ABCB11: variants seen among roughly 807,000 people sequenced by gnomAD.
The protein encoded by ABCB11 is ATP binding cassette subfamily B member 11, also known as bile salt export pump.
In ABCB11, 95 loss-of-function variants were observed where a neutral mutation model predicts 148.0. That is an observed-to-expected ratio of 0.64 (90% CI 0.54 to 0.76). The LOEUF is 0.76. ABCB11 is among the 30% of genes least tolerant of loss of function. ABCB11 has a pLI of 0.00. For missense variants in ABCB11, 1,523 were observed against 1,617.8 expected (o/e 0.94, Z 1.01); for synonymous variants, 591 against 555.4 (o/e 1.06, Z -0.90).
chr2:168,960,461 A>G (rs1437394743), intron 18 of ABCB11, among the ~76,000 whole-genome samples: 2 of 151,722 alleles, frequency 1.3e-5, no homozygotes, highest in African/African-American at 2.4e-5. Context: ...ACAGCCTGAC[A>G]TGATAGAAAT....
chr2:168,976,580 C>T lies in ABCB11; in HGVS notation c.1305G>A (p.Val435=). Residue 435 remains valine (V), a synonymous_variant, in exon 12 of 28, where the codon GTG becomes GTA. Transcript: ENST00000650372. ...VTFHYPSRPE[V]KILNDLNMVI... ...TGGGGAACAGACCAGCACTCACCTT[C>T]ACCTCTGGTCTGGAAGGATAATGGA... 1 of 1,566,874 alleles carries T rather than the reference C, an allele frequency of 6.4e-7. No individual in the cohort carries two copies. The highest frequency in any genetic ancestry group is 8.8e-7 in the Non-Finnish European group (1 of 1,141,644).
chr2:168,962,986 C>T (rs1693141353), intron 18 of ABCB11, among the ~76,000 whole-genome samples: 1 of 151,650 alleles, frequency 6.6e-6, no homozygotes, highest in African/African-American at 2.4e-5. Flanking sequence ...AAAAGAGAAC[C>T]CAATCACTCC....
At chr2:169,012,915 G>A (rs1381405412) in intron 5 of ABCB11, among the ~76,000 whole-genome samples, 1 of 152,002 alleles carries the variant, frequency 6.6e-6, no homozygotes, top group Non-Finnish European at 1.5e-5. Flanking sequence ...GAGTTGGTGG[G>A]GGGGAAAAAT....
Position 168,923,202 on chromosome 2 carries a change from T to C in ABCB11, c.*420A>G, listed in dbSNP as rs496550. On this transcript the variant is annotated 3_prime_UTR_variant, in exon 28 of 28. Transcript: ENST00000650372. Reference sequence around the variant, plus strand: ...AGAAACGTTTGTTGATTGCCTGTTATAGACCCGCCTCTGTGTACACCGAGG... The same window carrying C: ...AGAAACGTTTGTTGATTGCCTGTTACAGACCCGCCTCTGTGTACACCGAGG... 85,385 of 175,774 alleles carry C rather than the reference T, an allele frequency of 0.49. 22,115 individuals are homozygous for C. The highest frequency in any genetic ancestry group is 0.64 in the South Asian group (4,096 of 6,354). 10.9% of individuals were successfully genotyped at this position (175,774 alleles called of 1,614,324 possible).
At position 169,018,042 on chromosome 2, in the gene ABCB11, C is replaced by T; in HGVS notation, c.76+8G>A. 1 of 1,608,658 alleles carries T rather than the reference C, an allele frequency of 6.2e-7. No homozygotes were observed. Among genetic ancestry groups the T allele is most frequent in the Non-Finnish European group, 8.5e-7 (1 of 1,175,186 alleles). Reference sequence around the variant, plus strand: ...TACAAGATGCAGTGAGGGAAAAAAGCCACTCACATGATTTATCTGACTCAA... The same window carrying T: ...TACAAGATGCAGTGAGGGAAAAAAGTCACTCACATGATTTATCTGACTCAA... On this transcript the variant is annotated splice_region_variant and intron_variant, in intron 2 of 27. Coordinates refer to ENST00000650372, the MANE Select transcript of ABCB11 (RefSeq NM_003742.4).
chr2:168,944,955 A>G lies in ABCB11; in HGVS notation c.2350T>C (p.Ser784Pro). 1 of 1,547,022 alleles carries G rather than the reference A, an allele frequency of 6.5e-7. No individual in the cohort carries two copies. The highest frequency in any genetic ancestry group is 1.4e-5 in the African/African-American group (1 of 72,870). The change falls in exon 20 of 28, where the codon TCA (serine) becomes CCA (proline). Residue 784 changes from serine (S) to proline (P), a missense_variant. By Grantham distance (74) the Ser-to-Pro change is moderately conservative (BLOSUM62 -1). Transcript: ENST00000650372. Reference protein sequence around the residue: ...FLFSQILGTFSIPDKEEQRSQ... With the variant: ...FLFSQILGTFPIPDKEEQRSQ... The stretch of plus-strand genomic sequence containing the variant: ...CTTTGTTCCTCTTTATCAGGAATTG[A>G]AAAAGTCTTGGAAAGATAGTAAACA...
chr2:169,014,272 C>A (rs1374297851), intron 4 of ABCB11, 31 bp downstream of exon 4: 8 of 1,597,954 alleles, frequency 5.0e-6, no homozygotes, highest in Non-Finnish European at 6.0e-6. Flanking sequence ...AGCTGCACAC[C>A]CACTGCCATA....
At chr2:168,998,542 A>G (rs2106019764) in intron 5 of ABCB11, among the ~76,000 whole-genome samples, 2 of 152,264 alleles carry the variant, frequency 1.3e-5, no homozygotes, top group South Asian at 4.1e-4. Context: ...CATGCATCAA[A>G]ACATCACACT....
chr2:168,933,769 G>C (rs1337862984), intron 23 of ABCB11, among the ~76,000 whole-genome samples: 1 of 137,278 alleles, frequency 7.3e-6, no homozygotes, highest in Non-Finnish European at 1.6e-5. Flanking sequence ...TTTTGAGATG[G>C]AGTCTCACTC....
intron 1 of ABCB11, among the ~76,000 whole-genome samples, chr2:169,028,227 A>C (rs1374139398): frequency 1.3e-5 from 2 of 152,008 alleles, no homozygotes; most frequent in Non-Finnish European, 2.9e-5. Flanking sequence ...AATTGTGTGG[A>C]GCACCAGCCC....
intron 25 of ABCB11, 123 bp from the exon 26 acceptor site, chr2:168,927,485 G>A (rs906794636): frequency 1.3e-6 from 1 of 758,782 alleles, no homozygotes; most frequent in Non-Finnish European, 2.1e-6. Flanking sequence ...ACAATCCCAA[G>A]GCTAAAATTA....
intron 19 of ABCB11, among the ~76,000 whole-genome samples, chr2:168,946,396 T>C (rs1221179691): frequency 6.6e-6 from 1 of 151,750 alleles, no homozygotes; most frequent in Non-Finnish European, 1.5e-5. Flanking sequence ...CCCGTTCAAA[T>C]TATGGCAAAT....
chr2:168,936,248 G>C lies in ABCB11; in HGVS notation c.2796C>G (p.Ala932=). Residue 932 remains alanine, a synonymous_variant, in exon 22 of 28, where the codon GCC becomes GCG. Coordinates refer to ENST00000650372, the MANE Select transcript of ABCB11 (RefSeq NM_003742.4). ...LTGFASRDKQ[A]LEMVGQITNE... ...AGATTACCTGTCCCACCATCTCCAG[G>C]GCCTGCTTATCTCGAGAGGCAAATC... 1 of 1,613,622 alleles carries C rather than the reference G, an allele frequency of 6.2e-7. No homozygotes were observed. The highest frequency in any genetic ancestry group is 8.5e-7 in the Non-Finnish European group (1 of 1,179,728).
At chr2:169,020,152 T>C (rs1351414027) in intron 1 of ABCB11, among the ~76,000 whole-genome samples, 2 of 152,188 alleles carry the variant, frequency 1.3e-5, no homozygotes, top group Non-Finnish European at 2.9e-5. Flanking sequence ...AGGTGTTCGA[T>C]ATGCAGATAA....
chr2:169,021,661 A>G (rs1170892532), intron 1 of ABCB11, among the ~76,000 whole-genome samples: 1 of 152,114 alleles, frequency 6.6e-6, no homozygotes, highest in Non-Finnish European at 1.5e-5. Flanking sequence ...AATTTGGTTG[A>G]ACATTGTTCA....
chr2:168,916,922 T>A (rs190627522), downstream of ABCB11, among the ~76,000 whole-genome samples: 1 of 152,210 alleles, frequency 6.6e-6, no homozygotes. Context: ...TAAACCAACA[T>A]GATGAAACTG....
intron 1 of ABCB11, among the ~76,000 whole-genome samples, chr2:169,019,403 C>T (rs1273036818): frequency 6.6e-6 from 1 of 152,080 alleles, no homozygotes. Context: ...AGATATCAGT[C>T]AAAACTTAGA....
intron 10 of ABCB11, among the ~76,000 whole-genome samples, chr2:168,984,966 A>G (rs1349007194): frequency 1.3e-5 from 2 of 152,166 alleles, no homozygotes; most frequent in Non-Finnish European, 2.9e-5. Flanking sequence ...TTTTCACAGC[A>G]TAAGGAACAG....
intron 10 of ABCB11, among the ~76,000 whole-genome samples, chr2:168,985,438 C>T (rs1694284301): frequency 6.6e-6 from 1 of 152,116 alleles, no homozygotes; most frequent in Admixed American, 6.6e-5. Flanking sequence ...AAAAGAGATA[C>T]TTGCACACGC....
Sources: gnomAD v4.1 joint callset for allele counts (sites outside exome capture counted in the v4.1 genomes callset) on GRCh38, gnomAD v4.1.1 for gene constraint, MANE v1.5 for transcripts, NCBI Gene and HGNC (gene_info 2026-07-23, HGNC 2026-07-21) for gene names.